The following VPS53 variants were observed in gnomAD, a reference collection of about 807,000 sequenced individuals.
VPS53 encodes the protein vacuolar protein sorting-associated protein 53 homolog.
Under a neutral mutation model 107.0 loss-of-function variants are expected in VPS53, and 70 were observed. The observed-to-expected ratio is 0.65, with a 90% CI of 0.54 to 0.80. The LOEUF (loss-of-function observed/expected upper bound fraction) is 0.80. VPS53 is among the 30% of genes least tolerant of loss of function. The probability of loss-of-function intolerance (pLI) is 0.00; values close to 1 mark genes in which losing one functional copy is unlikely to be tolerated. For missense variants in VPS53, 917 were observed against 1,049.4 expected (o/e 0.87, Z 1.74); for synonymous variants, 409 against 393.3 (o/e 1.04, Z -0.47).
At chr17:659,746 T>C (rs1046827292) in intron 5 of VPS53, among the ~76,000 whole-genome samples, 3 of 152,040 alleles carry the variant, frequency 2.0e-5, no homozygotes, top group African/African-American at 7.3e-5. Context: ...ACTCTATCCC[T>C]TCTCTCTATG....
chr17:562,515 C>A lies in VPS53; in HGVS notation c.1544G>T (p.Gly515Val). The A allele has an allele frequency of 6.2e-7, 1 of 1,613,590 alleles. No homozygotes were observed. The highest frequency in any genetic ancestry group is 1.3e-5 in the African/African-American group (1 of 74,834). Residue 515 changes from glycine to valine, a missense_variant, in exon 14 of 22, where the codon GGC (glycine) becomes GTC (valine). Gly to Val is a moderately radical substitution (Grantham distance 109). Coordinates refer to ENST00000437048, the MANE Select transcript of VPS53 (RefSeq NM_001128159.3). ...GAACAGGACTCACTTGGGCAGGTTGCCAGAGAGGATTTTCCAGGCGTATTC... is the reference window on the plus strand; with the variant it reads ...GAACAGGACTCACTTGGGCAGGTTGACAGAGAGGATTTTCCAGGCGTATTC... ...LREYAWKILS[G>V]NLPKTTTSSG...
At chr17:667,798 G>A (rs1971760751) in intron 4 of VPS53, among the ~76,000 whole-genome samples, 2 of 152,146 alleles carry the variant, frequency 1.3e-5, no homozygotes, top group African/African-American at 2.4e-5. Flanking sequence ...CGCACAGCAG[G>A]AGGTGAGCGG....
chr17:619,274 C>T (rs55689918), intron 11 of VPS53, among the ~76,000 whole-genome samples: 2,197 of 148,268 alleles, frequency 0.015, 74 homozygotes, highest in African/African-American at 0.052. Flanking sequence ...ACGTGTGCAC[C>T]ACCACACCTG....
intron 12 of VPS53, among the ~76,000 whole-genome samples, chr17:599,003 G>C (rs1461711691): frequency 1.8e-4 from 20 of 113,352 alleles, no homozygotes; most frequent in African/African-American, 4.3e-4. Context: ...AGGTGGGGGG[G>C]GGGGTCAGCC....
At position 511,686 on chromosome 17, in the gene VPS53, C is replaced by T. The variant is rs2151783156; in HGVS notation, c.*7442G>A. 6.6e-6 allele frequency: 1 copy of T among 152,116 alleles called. No individual in the cohort carries two copies. The highest frequency in any genetic ancestry group is 2.1e-4 in the South Asian group (1 of 4,822). 9.4% of individuals were successfully genotyped at this position (152,116 alleles called of 1,614,324 possible). ...CAAACAGCCTGTGAGCTCAGGCTTCCCAGTTAGAACTGCCTGTCCCAAGTT... is the reference window on the plus strand; with the variant it reads ...CAAACAGCCTGTGAGCTCAGGCTTCTCAGTTAGAACTGCCTGTCCCAAGTT... On this transcript the variant is annotated 3_prime_UTR_variant, in exon 22 of 22. Coordinates refer to ENST00000437048, the MANE Select transcript of VPS53 (RefSeq NM_001128159.3).
chr17:656,544 A>C (rs549453329), intron 5 of VPS53, among the ~76,000 whole-genome samples: 2 of 152,204 alleles, frequency 1.3e-5, no homozygotes, highest in Non-Finnish European at 2.9e-5. Context: ...GTGTTGTTTC[A>C]GCAGGTCCAA....
chr17:541,856 A>T (rs1368248359), intron 17 of VPS53, among the ~76,000 whole-genome samples: 1 of 147,242 alleles, frequency 6.8e-6, no homozygotes, highest in Non-Finnish European at 1.5e-5. Context: ...CCAGGGGCTG[A>T]AGGAATGTTT....
Position 617,128 on chromosome 17 carries a change from C to T in VPS53, c.1116+6405G>A, listed in dbSNP as rs546346154. On this transcript the variant is annotated intron_variant, in intron 11 of 21. Coordinates refer to ENST00000437048, the MANE Select transcript of VPS53 (RefSeq NM_001128159.3). ...TCACAGAGCCTGTCCTGATGCTCTC[C>T]GGACCCTGCCCAGCCAGAGGCCGTG... 6.6e-5 allele frequency among the ~76,000 whole-genome samples: 10 copies of T among 152,292 alleles called. 1 individual carries two copies. The highest frequency in any genetic ancestry group is 2.4e-4 in the African/African-American group (10 of 41,572).
intron 13 of VPS53, among the ~76,000 whole-genome samples, chr17:573,705 C>G (rs998577675): frequency 6.6e-6 from 1 of 152,184 alleles, no homozygotes; most frequent in African/African-American, 2.4e-5. Context: ...TGTAGAGGGG[C>G]TAGCTAGGAG....
intron 4 of VPS53, chr17:675,767 C>CAAAAAAAAAA (rs33935429): frequency 1.4e-5 from 1 of 72,364 alleles, no homozygotes. Context: ...ACTCCCATCT[C>CAAAAAAAAAA]AAAAAAAAAA....
intron 7 of VPS53, among the ~76,000 whole-genome samples, chr17:633,746 A>C (rs1248785728): frequency 6.6e-6 from 1 of 152,232 alleles, no homozygotes; most frequent in Non-Finnish European, 1.5e-5. Flanking sequence ...GATTGGAATC[A>C]GGGCCATACG....
chr17:598,300 T>C (rs1968090253), intron 12 of VPS53, among the ~76,000 whole-genome samples: 2 of 150,842 alleles, frequency 1.3e-5, no homozygotes, highest in Non-Finnish European at 2.9e-5. Flanking sequence ...GGGCGTGATC[T>C]CAGCTCGCTA....
At chr17:620,908 T>C (rs1969443625) in intron 11 of VPS53, among the ~76,000 whole-genome samples, 2 of 152,024 alleles carry the variant, frequency 1.3e-5, no homozygotes, top group South Asian at 4.1e-4. Flanking sequence ...GCACCCGGCC[T>C]CTACATTAGA....
intron 7 of VPS53, among the ~76,000 whole-genome samples, chr17:645,778 C>A (rs1288528052): frequency 1.3e-5 from 2 of 150,672 alleles, no homozygotes; most frequent in Non-Finnish European, 3.0e-5. Context: ...CTCCCACACA[C>A]ATCTCCGTGA....
chr17:662,440 A>G (rs1971471662), intron 4 of VPS53, among the ~76,000 whole-genome samples: 1 of 152,240 alleles, frequency 6.6e-6, no homozygotes, highest in African/African-American at 2.4e-5. Flanking sequence ...CTGTAATCCC[A>G]GCACTTTGGG....
At chr17:594,293 T>C (rs1016558575) in intron 12 of VPS53, among the ~76,000 whole-genome samples, 3 of 152,246 alleles carry the variant, frequency 2.0e-5, no homozygotes, top group Non-Finnish European at 4.4e-5. Context: ...ATTGTGCACA[T>C]GTACCCTAAA....
intron 17 of VPS53, 24 bp from the exon 18 acceptor site, chr17:537,200 G>A (rs373633796): frequency 4.2e-5 from 68 of 1,612,642 alleles, no homozygotes; most frequent in East Asian, 1.1e-4. Flanking sequence ...AGGATGAGGC[G>A]TTGAATCCCT....
intron 7 of VPS53, among the ~76,000 whole-genome samples, chr17:641,791 C>T (rs1000243739): frequency 1.3e-5 from 2 of 152,212 alleles, no homozygotes; most frequent in African/African-American, 2.4e-5. Context: ...CCGCCTACAA[C>T]TCATAGAGAA....
intron 11 of VPS53, among the ~76,000 whole-genome samples, chr17:609,368 C>T (rs765572553): frequency 2.3e-4 from 35 of 152,206 alleles, no homozygotes; most frequent in Non-Finnish European, 4.9e-4. Context: ...ACTGTACGGA[C>T]AGACCACGTT....
Sources: allele counts gnomAD v4.1 joint callset (sites outside exome capture counted in the v4.1 genomes callset), GRCh38; gene constraint gnomAD v4.1.1; transcripts MANE v1.5; gene names NCBI Gene and HGNC (gene_info 2026-07-23, HGNC 2026-07-21).